Variants in CAMTA1 observed in about 807,000 individuals in gnomAD.
The protein encoded by CAMTA1 is calmodulin-binding transcription activator 1.
A neutral mutation model predicts 170.9 loss-of-function variants in CAMTA1; 27 were observed. The ratio of observed to expected loss-of-function variants is 0.16; its 90% CI spans 0.12 to 0.22. The LOEUF (loss-of-function observed/expected upper bound fraction) is 0.22, where lower values mean the gene tolerates loss of function less well. CAMTA1 is among the 10% of genes least tolerant of loss of function. CAMTA1 has a pLI of 1.00. For missense variants in CAMTA1, 1,619 were observed against 2,217.2 expected, an observed-to-expected ratio of 0.73 and a Z score of 5.42; for synonymous variants, 833 against 891.5, an observed-to-expected ratio of 0.93 and a Z score of 1.17.
In CAMTA1 at chr1:7,291,398, C is replaced by T. The variant is rs528727170; in HGVS notation, c.438+41772C>T. Reference sequence around the variant, plus strand: ...ACGTGAAAACAGTGGGCCTCAGTCTCGTCATCTGAAATGGAATTTCAGTGC... The same window carrying T: ...ACGTGAAAACAGTGGGCCTCAGTCTTGTCATCTGAAATGGAATTTCAGTGC... On this transcript the variant is annotated intron_variant, in intron 5 of 22. Coordinates refer to ENST00000303635, the MANE Select transcript of CAMTA1 (RefSeq NM_015215.4). 2.0e-4 allele frequency among the ~76,000 whole-genome samples: 30 copies of T among 152,234 alleles called. 1 individual carries two copies. Among genetic ancestry groups the T allele is most frequent in the South Asian group, 8.3e-4 (4 of 4,814 alleles).
Position 7,492,802 on chromosome 1 carries a change from T to G in CAMTA1, c.510+24901T>G, listed in dbSNP as rs1255299595. On this transcript the variant is annotated intron_variant, in intron 6 of 22. Transcript: ENST00000303635. ...GCACACACAAACACAAACCTACGTA[T>G]ACACATGCGCGCACAGACACACAAA... Among the ~76,000 whole-genome samples the G allele has an allele frequency of 5.6e-5, 6 of 107,252 alleles. No individual in the cohort carries two copies. The South Asian group carries it at 1.9e-3, about 35-fold the overall frequency. 70.4% of individuals were successfully genotyped at this position (107,252 alleles called of 152,430 possible).
chr1:6,791,036 T>G (rs1460549221), intron 1 of CAMTA1, among the ~76,000 whole-genome samples: 1 of 152,066 alleles, frequency 6.6e-6, no homozygotes, highest in African/African-American at 2.4e-5. Flanking sequence ...AAGTGATGTG[T>G]GTGTTTCTTT....
intron 5 of CAMTA1, among the ~76,000 whole-genome samples, chr1:7,447,480 G>A (rs1015204103): frequency 2.0e-5 from 3 of 151,992 alleles, no homozygotes; most frequent in Admixed American, 6.5e-5. Context: ...CAGCAGCCAC[G>A]GTGCCAGCTT....
chr1:7,137,846 C>T (rs1404908658), intron 4 of CAMTA1, among the ~76,000 whole-genome samples: 2 of 152,230 alleles, frequency 1.3e-5, no homozygotes, highest in African/African-American at 4.8e-5. Context: ...TCCCTCCTCT[C>T]CACTGCCCGG....
rs76582460 is a variant in CAMTA1, at chr1:7,582,090, C to T, written c.511-58310C>T. ...TGTTGCTTCCGTAACTTTCACATCA[C>T]GCGTAGGCCAGCAGCAGGAGGAGCT... On this transcript the variant is annotated intron_variant, in intron 6 of 22. Transcript: ENST00000303635. Among the ~76,000 whole-genome samples, 39 of 152,320 alleles carry T rather than the reference C, an allele frequency of 2.6e-4. No individual in the cohort carries two copies. The East Asian group carries it at 7.1e-3, about 28-fold the overall frequency.
chr1:6,981,319 A>G lies in CAMTA1; in HGVS notation c.235-109985A>G, dbSNP rs534095154. The stretch of plus-strand genomic sequence containing the variant: ...AGAAAAGCTGAAAAATTCAAAAAGT[A>G]CTTTAGAAGATGGTAATTGCCCCAC... On this transcript the variant is annotated intron_variant, in intron 3 of 22. Coordinates refer to ENST00000303635, the MANE Select transcript of CAMTA1 (RefSeq NM_015215.4). Among the ~76,000 whole-genome samples, 36 of 152,300 alleles carry G rather than the reference A, an allele frequency of 2.4e-4. 1 individual carries two copies. The South Asian group carries it at 6.6e-3, about 28-fold the overall frequency.
intron 3 of CAMTA1, among the ~76,000 whole-genome samples, chr1:6,924,503 G>T (rs939691250): frequency 2.6e-5 from 4 of 152,152 alleles, no homozygotes; most frequent in Admixed American, 6.5e-5. Flanking sequence ...GTGACCAGGG[G>T]CGGCCCTCCC....
At chr1:7,343,392 C>T (rs964671717) in intron 5 of CAMTA1, among the ~76,000 whole-genome samples, 3 of 152,166 alleles carry the variant, frequency 2.0e-5, no homozygotes, top group African/African-American at 7.2e-5. Context: ...ATCTTGGCCA[C>T]CTCCGAGGCC....
chr1:7,377,263 C>T (rs570263189), intron 5 of CAMTA1, among the ~76,000 whole-genome samples: 10 of 152,274 alleles, frequency 6.6e-5, no homozygotes, highest in African/African-American at 2.2e-4. Flanking sequence ...ACACCGTCCT[C>T]GCTATGGGGA....
At chr1:7,535,645 G>A (rs2094540427) in intron 6 of CAMTA1, among the ~76,000 whole-genome samples, 1 of 152,176 alleles carries the variant, frequency 6.6e-6, no homozygotes, top group African/African-American at 2.4e-5. Flanking sequence ...ATATGTCACT[G>A]ATGCAAACAC....
rs534995268 is a variant in CAMTA1 at position 7,414,214 on chromosome 1, T to C, written c.439-53616T>C. On this transcript the variant is annotated intron_variant, in intron 5 of 22. Coordinates refer to ENST00000303635, the MANE Select transcript of CAMTA1 (RefSeq NM_015215.4). The stretch of plus-strand genomic sequence containing the variant: ...GTTCATCAAGGATATTGGTCTAAAA[T>C]TCTCTTTTTTTGGTTGTATCTCTGC... Among the ~76,000 whole-genome samples the C allele has an allele frequency of 3.3e-5, 5 of 152,340 alleles. No individual in the cohort carries two copies. The East Asian group carries it at 9.6e-4, about 29-fold the overall frequency.
chr1:7,461,886 C>T (rs538970802), intron 5 of CAMTA1, among the ~76,000 whole-genome samples: 23 of 152,366 alleles, frequency 1.5e-4, no homozygotes, highest in African/African-American at 5.3e-4. Context: ...TTTCCAGTTT[C>T]CTTTGTGTCT....
chr1:7,035,964 A>G (rs1703533495), intron 3 of CAMTA1, among the ~76,000 whole-genome samples: 2 of 152,184 alleles, frequency 1.3e-5, no homozygotes, highest in Admixed American at 6.5e-5. Context: ...GGAAAAAAAC[A>G]AGTTGCAAAA....
At chr1:7,102,027 CACACACACACACA>C (rs1224717623) in intron 4 of CAMTA1, among the ~76,000 whole-genome samples, 90 of 3,880 alleles carry the variant, frequency 0.023, 2 homozygotes, top group Non-Finnish European at 1.9e-3. Context: ...ATACACAACA[CACACACACACACA>C]CACACACACA....
intron 3 of CAMTA1, among the ~76,000 whole-genome samples, chr1:6,946,040 G>A (rs138645596): frequency 6.6e-6 from 1 of 152,226 alleles, no homozygotes; most frequent in African/African-American, 2.4e-5. Flanking sequence ...GAAATTGCTC[G>A]GTCACATGGC....
intron 6 of CAMTA1, among the ~76,000 whole-genome samples, chr1:7,504,883 A>G (rs1213403468): frequency 1.3e-5 from 2 of 152,200 alleles, no homozygotes; most frequent in African/African-American, 4.8e-5. Context: ...ACTGGGCAGA[A>G]TCACTGGGCA....
At chr1:6,874,199 A>G (rs1669177056) in intron 3 of CAMTA1, 1 of 152,216 alleles carries the variant, frequency 6.6e-6, no homozygotes, top group Non-Finnish European at 1.5e-5. Context: ...ACCTCATCCT[A>G]TGGCTGTGCC....
chr1:7,110,402 C>A (rs1489560130), intron 4 of CAMTA1, among the ~76,000 whole-genome samples: 1 of 152,146 alleles, frequency 6.6e-6, no homozygotes, highest in Non-Finnish European at 1.5e-5. Context: ...GATGATTAAT[C>A]CTCGCAACAG....
chr1:7,330,614 A>T (rs183453086), intron 5 of CAMTA1, among the ~76,000 whole-genome samples: 1 of 152,320 alleles, frequency 6.6e-6, no homozygotes, highest in Admixed American at 6.5e-5. Context: ...AGTTGACCCC[A>T]GTCTCGGATA....
Sources: gnomAD v4.1 joint callset for allele counts (sites outside exome capture counted in the v4.1 genomes callset) on GRCh38, gnomAD v4.1.1 for gene constraint, MANE v1.5 for transcripts, NCBI Gene and HGNC (gene_info 2026-07-23, HGNC 2026-07-21) for gene names.